Variants in ELMO3 observed in about 807,000 individuals in gnomAD.
ELMO3 encodes engulfment and cell motility 3, also known as engulfment and cell motility protein 3.
In ELMO3, 81 loss-of-function variants were observed where a neutral mutation model predicts 89.0. The ratio of observed to expected loss-of-function variants is 0.91; its 90% confidence interval spans 0.76 to 1.09. The LOEUF (loss-of-function observed/expected upper bound fraction) is 1.09, where lower values mean the gene tolerates loss of function less well. ELMO3 is among the 50% of genes least tolerant of loss of function. ELMO3 has a pLI of 0.00. For synonymous variants in ELMO3, 406 were observed against 400.6 expected (o/e 1.01, Z -0.16); for missense variants, 959 against 972.8 (o/e 0.99, Z 0.19).
At chr16:67,202,326 G>A in intron 13 of ELMO3, 42 bp downstream of exon 13, 1 of 1,613,470 alleles carries the variant, frequency 6.2e-7, no homozygotes, top group Non-Finnish European at 8.5e-7. Flanking sequence ...AAGAGCAGGG[G>A]ACGGAAGGGC....
intron 1 of ELMO3, 57 bp from the exon 2 acceptor site, chr16:67,199,496 C>T: frequency 1.3e-6 from 2 of 1,535,992 alleles, no homozygotes; most frequent in African/African-American, 1.4e-5. Context: ...CCCCTCCCCC[C>T]AGGCTCCTCC....
At position 67,202,416 on chromosome 16, in the gene ELMO3, C is replaced by T. The variant is rs148043159; in HGVS notation, c.1281C>T (p.Asp427=). ...CTCCAGGCTCTGAGACAGCCCAGGA[C>T]TTCTCACCCATGTTCTTCGGCCAAG... ...VGEPCSETAQ[D]FSPMFFGQDQ... The change falls in exon 14 of 20, where the codon GAC becomes GAT. Residue 427 remains aspartate (D), a synonymous_variant. Transcript: ENST00000393997. 37 of 1,613,824 alleles carry T rather than the reference C, an allele frequency of 2.3e-5. No homozygotes were observed. Among genetic ancestry groups the T allele is most frequent in the Non-Finnish European group, 2.8e-5 (33 of 1,180,044 alleles).
intron 7 of ELMO3, 41 bp downstream of exon 7, chr16:67,200,849 C>T: frequency 1.2e-6 from 2 of 1,613,628 alleles, no homozygotes; most frequent in Non-Finnish European, 1.7e-6. Context: ...GGGAGCAGGG[C>T]TGGAGCCTGA....
chr16:67,199,151 T>A lies in ELMO3; in HGVS notation c.-176T>A. ...AACCCGGAACTAACCTCGGCTCCCT[T>A]GGGAAGGCCGCGTTGCATGGCCAGG... On this transcript the variant is annotated 5_prime_UTR_variant, in exon 1 of 20. Coordinates refer to ENST00000393997, the MANE Select transcript of ELMO3 (RefSeq NM_024712.5). 1 of 1,605,250 alleles carries A rather than the reference T, an allele frequency of 6.2e-7. No individual in the cohort carries two copies. The highest frequency in any genetic ancestry group is 8.5e-7 in the Non-Finnish European group (1 of 1,178,456).
At position 67,199,775 on chromosome 16, in the gene ELMO3, G is replaced by T. The variant is rs2033055385; in HGVS notation, c.192+19G>T. On this transcript the variant is annotated intron_variant, in intron 3 of 19. Transcript: ENST00000393997. The stretch of plus-strand genomic sequence containing the variant: ...CGAGAATGTGAGTCCCCTCTCCCCA[G>T]CCCCAAGCTCGGCCTTCCGACCCCT... The T allele has an allele frequency of 2.5e-6, 4 of 1,608,316 alleles. No homozygotes were observed. The highest frequency in any genetic ancestry group is 1.3e-5 in the African/African-American group (1 of 74,386).
At position 67,202,644 on chromosome 16, in the gene ELMO3, G is replaced by A; in HGVS notation, c.1416G>A (p.Arg472=). 6.2e-7 allele frequency: 1 copy of A among 1,613,510 alleles called. No homozygotes were observed. Among genetic ancestry groups the A allele is most frequent in the Non-Finnish European group, 8.5e-7 (1 of 1,179,966 alleles). ...GGCCCCAGGTCATGCAGGTGGTGCGGGAGCAGCTGGCCCGCACTCTGGCCC... is the reference window on the plus strand; with the variant it reads ...GGCCCCAGGTCATGCAGGTGGTGCGAGAGCAGCTGGCCCGCACTCTGGCCC... ...EDFDKVMQVV[R]EQLARTLALK... is the part of the protein sequence containing the mutation. Residue 472 remains arginine (R), a synonymous_variant, in exon 15 of 20, where the codon CGG becomes CGA. Transcript: ENST00000393997.
chr16:67,201,415 C>T lies in ELMO3; in HGVS notation c.775C>T (p.Leu259Phe), dbSNP rs1300119622. The change falls in exon 9 of 20, where the codon CTT becomes TTT. Residue 259 changes from leucine (L) to phenylalanine (F), a missense_variant. Leu to Phe is a conservative substitution (Grantham distance 22). Transcript: ENST00000393997. ...GCTTGACTATCTTTGGCAGAGGAAC[C>T]TTCGCCAGTTCATCTATAAGGTAGG... is the stretch of plus-strand genomic sequence containing the variant. ...HMLDYLWQRN[L>F]RQFIYKNIIH... The T allele has an allele frequency of 3.1e-6, 5 of 1,613,880 alleles. No individual in the cohort carries two copies. Among genetic ancestry groups the T allele is most frequent in the African/African-American group, 1.3e-5 (1 of 74,888 alleles).
rs779902503 is a variant in ELMO3 at position 67,201,893 on chromosome 16, A to G, written c.1050+20A>G. The G allele has an allele frequency of 1.9e-6, 3 of 1,602,014 alleles. No individual in the cohort carries two copies. The African/African-American group carries it at 4.0e-5, about 21-fold the overall frequency. On this transcript the variant is annotated intron_variant, in intron 11 of 19. Transcript: ENST00000393997. ...TTTTCTGTGAGTATCACCCCTACCC[A>G]ACTCCCCACCCCTGCCTCAGCCCAG...
rs1348355481 is a variant in ELMO3 at position 67,203,482 on chromosome 16, C to T, written c.1864-15C>T. On this transcript the variant is annotated splice_polypyrimidine_tract_variant and intron_variant, in intron 18 of 19. Coordinates refer to ENST00000393997, the MANE Select transcript of ELMO3 (RefSeq NM_024712.5). The surrounding 1 kb of genome is among the most constrained non-coding windows in gnomAD (Gnocchi z 4.6). ...CTGTCCCCTGCTCAGTGTCCCCGCT[C>T]CCTTGCTTCCCCAGGACCTCTATGA... 1.2e-6 allele frequency: 2 copies of T among 1,613,494 alleles called. No homozygotes were observed. Among genetic ancestry groups the T allele is most frequent in the Non-Finnish European group, 8.5e-7 (1 of 1,179,798 alleles).
At position 67,203,812 on chromosome 16, in the gene ELMO3, C is replaced by G; in HGVS notation, c.2098C>G (p.Pro700Ala). 6.2e-7 allele frequency: 1 copy of G among 1,608,848 alleles called. No homozygotes were observed. The highest frequency in any genetic ancestry group is 8.5e-7 in the Non-Finnish European group (1 of 1,177,930). ...GAACGTGCCCATCCCCGAGCGGCCA[C>G]CCCCTGTGCCCCCACCCCCCACCAA... ...LENVPIPERPPPVPPPPTNFN... is the reference protein window; with the variant it reads ...LENVPIPERPAPVPPPPTNFN... Residue 700 changes from proline to alanine, a missense_variant, in exon 20 of 20, where the codon CCC becomes GCC. Pro to Ala is a conservative substitution (Grantham distance 27, BLOSUM62 -1). Coordinates refer to ENST00000393997, the MANE Select transcript of ELMO3 (RefSeq NM_024712.5). This position sits in a 1 kb window ranked among gnomAD's most constrained non-coding sequence, Gnocchi z 4.6.
intron 15 of ELMO3, 37 bp from the exon 16 acceptor site, chr16:67,202,855 C>T: frequency 1.9e-6 from 3 of 1,612,782 alleles, no homozygotes; most frequent in Non-Finnish European, 2.5e-6. Flanking sequence ...TGGGCTACTC[C>T]CCAGGTCAGA....
Position 67,199,550 on chromosome 16 carries a change from C to G in ELMO3, c.79-3C>G, listed in dbSNP as rs761602556. 6.3e-7 allele frequency: 1 copy of G among 1,598,556 alleles called. No homozygotes were observed. ...GCCGCGAGAATGACCACTCCACTTG[C>G]AGGCGAAGCCCCTGGCCGCTGTGCT... On this transcript the variant is annotated splice_region_variant and splice_polypyrimidine_tract_variant and intron_variant, in intron 1 of 19. Transcript: ENST00000393997.
rs1393683918 is a variant in ELMO3, at chr16:67,202,198, G to A, written c.1175G>A (p.Arg392His). The A allele has an allele frequency of 1.0e-5, 16 of 1,602,602 alleles. No homozygotes were observed. The highest frequency in any genetic ancestry group is 6.7e-5 in the East Asian group (3 of 44,654). Reference sequence around the variant, plus strand: ...CAGTTTGTGTTGGAGAACAGCAGCCGCGAGGACAAGCACGAGTGCCCCTTT... The same window carrying A: ...CAGTTTGTGTTGGAGAACAGCAGCCACGAGGACAAGCACGAGTGCCCCTTT... Reference protein sequence around the residue: ...YSRFVLENSSREDKHECPFAR... With the variant: ...YSRFVLENSSHEDKHECPFAR... Residue 392 changes from arginine to histidine, a missense_variant, in exon 13 of 20, where the codon CGC becomes CAC. Transcript: ENST00000393997.
intron 6 of ELMO3, 24 bp from the exon 7 acceptor site, chr16:67,200,633 T>G (rs769899133): frequency 1.2e-6 from 2 of 1,608,700 alleles, no homozygotes; most frequent in Non-Finnish European, 1.7e-6. Flanking sequence ...GGGGGTGAGG[T>G]GGTGACACCC....
chr16:67,202,619 G>T lies in ELMO3; in HGVS notation c.1399-8G>T. On this transcript the variant is annotated splice_region_variant and splice_polypyrimidine_tract_variant and intron_variant, in intron 14 of 19. Transcript: ENST00000393997. ...CTTAGGCCCTGAGCTGAGCTTGGGC[G>T]GCCCCAGGTCATGCAGGTGGTGCGG... 1 of 1,613,270 alleles carries T rather than the reference G, an allele frequency of 6.2e-7. No homozygotes were observed. Among genetic ancestry groups the T allele is most frequent in the African/African-American group, 1.3e-5 (1 of 75,042 alleles).
Position 67,202,810 on chromosome 16 carries a change from T to A in ELMO3, c.1562+20T>A. 2 of 1,612,450 alleles carry A rather than the reference T, an allele frequency of 1.2e-6. No individual in the cohort carries two copies. The highest frequency in any genetic ancestry group is 1.7e-6 in the Non-Finnish European group (2 of 1,179,292). On this transcript the variant is annotated intron_variant, in intron 15 of 19. Coordinates refer to ENST00000393997, the MANE Select transcript of ELMO3 (RefSeq NM_024712.5). The stretch of plus-strand genomic sequence containing the variant: ...TATACTGTGAGTCTGGGGGGATGGA[T>A]CCTCAGTCCTAGCCCTACCTTCCTT...
Position 67,201,814 on chromosome 16 carries a change from C to T in ELMO3, c.991C>T (p.Leu331=), listed in dbSNP as rs1285840820. The T allele has an allele frequency of 4.3e-6, 7 of 1,612,130 alleles. No individual in the cohort carries two copies. Among genetic ancestry groups the T allele is most frequent in the Non-Finnish European group, 5.9e-6 (7 of 1,179,956 alleles). Residue 331 remains leucine, a synonymous_variant, in exon 11 of 20, where the codon CTA becomes TTA. Transcript: ENST00000393997. ...GGAGGGGGAGTCCTCGGGTGCCGGG[C>T]TAAGTGCTGACCGTCGCCGTTCCCT... The part of the protein sequence containing the change: ...EVEGESSGAG[L]SADRRRSLCA...
In ELMO3 at chr16:67,200,817, C is replaced by G. The variant is rs777554067; in HGVS notation, c.665+9C>G. 6.2e-6 allele frequency: 10 copies of G among 1,613,004 alleles called. No homozygotes were observed. The highest frequency in any genetic ancestry group is 2.2e-5 in the East Asian group (1 of 44,862). On this transcript the variant is annotated intron_variant, in intron 7 of 19. Transcript: ENST00000393997. ...CTGGTGCACCTACAGGTGTAAGCCTCTGGGGCTGGGGTCCAGATGCAGGGA... is the reference window on the plus strand; with the variant it reads ...CTGGTGCACCTACAGGTGTAAGCCTGTGGGGCTGGGGTCCAGATGCAGGGA...
In ELMO3 at chr16:67,202,003, G is replaced by A; in HGVS notation, c.1077G>A (p.Glu359=). The change falls in exon 12 of 20, where the codon GAG becomes GAA. Residue 359 remains glutamate, a synonymous_variant. Coordinates refer to ENST00000393997, the MANE Select transcript of ELMO3 (RefSeq NM_024712.5). The stretch of plus-strand genomic sequence containing the variant: ...ACAGCAACCCAGCACAGGACCTGGA[G>A]CGCGTGCCCCCCGGTCTGCTGGCCC... The part of the protein sequence containing the change: ...FSNSNPAQDL[E]RVPPGLLALD... 4 of 1,613,400 alleles carry A rather than the reference G, an allele frequency of 2.5e-6. No individual in the cohort carries two copies. The highest frequency in any genetic ancestry group is 3.3e-4 in the Middle Eastern group (2 of 6,062).
Sources: allele counts gnomAD v4.1 joint callset, GRCh38; gene constraint gnomAD v4.1.1; non-coding constraint Gnocchi (gnomAD v3.1); transcripts MANE v1.5; gene names NCBI Gene and HGNC (gene_info 2026-07-23, HGNC 2026-07-21).